Variants in ANKRD28 observed in about 807,000 individuals in gnomAD.
ANKRD28 encodes the protein ankyrin repeat domain 28, also known as serine/threonine-protein phosphatase 6 regulatory ankyrin repeat subunit A.
A neutral mutation model predicts 126.5 loss-of-function variants in ANKRD28; 44 were observed. The observed-to-expected ratio is 0.35, with a 90% CI of 0.27 to 0.45. The LOEUF is 0.45. ANKRD28 is among the 20% of genes least tolerant of loss of function. The pLI, the probability that ANKRD28 is intolerant of heterozygous loss-of-function variation, is 1.00. For synonymous variants in ANKRD28, 442 were observed against 468.5 expected (o/e 0.94, Z 0.73); for missense variants, 1,110 against 1,316.6 (o/e 0.84, Z 2.43).
At chr3:15,676,928 A>G in intron 26 of ANKRD28, 46 bp downstream of exon 26, 1 of 1,483,014 alleles carries the variant, frequency 6.7e-7, no homozygotes, top group Non-Finnish European at 9.3e-7. Flanking sequence ...TATCATTTTT[A>G]TAATTATAGG....
At chr3:15,772,996 G>A (rs1426764980) in intron 2 of ANKRD28, among the ~76,000 whole-genome samples, 1 of 152,116 alleles carries the variant, frequency 6.6e-6, no homozygotes, top group African/African-American at 2.4e-5. Context: ...AGGCAAAAAT[G>A]TCTACTCTCA....
In ANKRD28 at chr3:15,695,219, A is replaced by G; in HGVS notation, c.1660-5T>C. On this transcript the variant is annotated splice_region_variant and splice_polypyrimidine_tract_variant and intron_variant, in intron 15 of 27. Coordinates refer to ENST00000683139, the MANE Select transcript of ANKRD28 (RefSeq NM_001349278.2). The stretch of plus-strand genomic sequence containing the variant: ...TAGAGGAGTTTCACTTGCAATCTGA[A>G]ATAAAAGTCAAAACAAAAATATTTA... The G allele has an allele frequency of 6.3e-7, 1 of 1,576,228 alleles. No individual in the cohort carries two copies. Among genetic ancestry groups the G allele is most frequent in the Admixed American group, 1.8e-5 (1 of 55,688 alleles).
intron 1 of ANKRD28, among the ~76,000 whole-genome samples, chr3:15,806,052 G>A (rs538585694): frequency 4.3e-4 from 66 of 152,312 alleles, no homozygotes; most frequent in African/African-American, 1.6e-3. Context: ...ATGACTCAGA[G>A]AGTTTTAGTT....
At chr3:15,741,649 C>T (rs1370483178) in intron 4 of ANKRD28, among the ~76,000 whole-genome samples, 1 of 131,352 alleles carries the variant, frequency 7.6e-6, no homozygotes, top group Non-Finnish European at 1.5e-5. Flanking sequence ...ACCATGGGGT[C>T]AGTATAGAAG....
Position 15,817,303 on chromosome 3 carries a change from A to G in ANKRD28, c.28-21997T>C, listed in dbSNP as rs2125901848. 6.6e-6 allele frequency among the ~76,000 whole-genome samples: 1 copy of G among 152,108 alleles called. No individual in the cohort carries two copies. Among genetic ancestry groups the G allele is most frequent in the Middle Eastern group, 3.4e-3 (1 of 294 alleles). On this transcript the variant is annotated intron_variant, in intron 1 of 27. Transcript: ENST00000399451. This position sits in a 1 kb window ranked among gnomAD's most constrained non-coding sequence, Gnocchi z 4.5. ...GTTATTTTGTTTTTGTCCCAACTAG[A>G]TAGAAAATTTTATAGGTTATAAACT... is the stretch of plus-strand genomic sequence containing the variant.
chr3:15,790,688 C>T (rs1281664032), intron 2 of ANKRD28, among the ~76,000 whole-genome samples: 1 of 151,978 alleles, frequency 6.6e-6, no homozygotes, highest in Non-Finnish European at 1.5e-5. Context: ...TAGTATCATG[C>T]TGAATGAGGA....
intron 3 of ANKRD28, among the ~76,000 whole-genome samples, chr3:15,756,242 A>G (rs183643892): frequency 1.1e-3 from 170 of 152,294 alleles, no homozygotes; most frequent in African/African-American, 3.9e-3. Context: ...ACTAAAAATC[A>G]ACTGCAGGAT....
intron 3 of ANKRD28, among the ~76,000 whole-genome samples, chr3:15,754,134 C>CA (rs1307279070): frequency 2.0e-5 from 3 of 152,138 alleles, no homozygotes; most frequent in Non-Finnish European, 2.9e-5. Flanking sequence ...GCTTGTTACC[C>CA]AGTCAACCAT....
chr3:15,768,508 T>C (rs552537581), intron 2 of ANKRD28, among the ~76,000 whole-genome samples: 1 of 151,992 alleles, frequency 6.6e-6, no homozygotes, highest in Admixed American at 6.6e-5. Context: ...GTAAATAAAT[T>C]AGCTGGGCTG....
chr3:15,782,614 G>A lies in ANKRD28; in HGVS notation c.201+12609C>T, dbSNP rs183462823. Among the ~76,000 whole-genome samples, 359 of 152,170 alleles carry A rather than the reference G, an allele frequency of 2.4e-3. 1 individual carries two copies. The highest frequency in any genetic ancestry group is 7.8e-3 in the African/African-American group (325 of 41,546). The stretch of plus-strand genomic sequence containing the variant: ...GGTAATTAGAGGTTACACACATACT[G>A]AGTGTTCAGGGAAAAATGCCATACT... On this transcript the variant is annotated intron_variant, in intron 2 of 27. Transcript: ENST00000683139.
chr3:15,771,106 C>T (rs1237847312), intron 2 of ANKRD28, among the ~76,000 whole-genome samples: 3 of 152,068 alleles, frequency 2.0e-5, no homozygotes, highest in African/African-American at 7.2e-5. Context: ...GTTGTACAGG[C>T]TGTATAAGAA....
rs889642481 is a variant in ANKRD28, at chr3:15,845,314, A to G, written c.27+14063T>C. On this transcript the variant is annotated intron_variant, in intron 1 of 27. Coordinates refer to the ANKRD28 transcript ENST00000399451. This position sits in a 1 kb window ranked among gnomAD's most constrained non-coding sequence, Gnocchi z 4.9. ...ATCTTCCAGAACATTTCTAAAGTAT[A>G]TATATATATATATTCCATATTACAT... Among the ~76,000 whole-genome samples the G allele has an allele frequency of 2.8e-4, 42 of 151,116 alleles. No individual in the cohort carries two copies. Among genetic ancestry groups the G allele is most frequent in the Non-Finnish European group, 5.0e-4 (34 of 67,620 alleles).
At position 15,751,004 on chromosome 3, in the gene ANKRD28, G is replaced by A. The variant is rs186949579; in HGVS notation, c.351+746C>T. Reference sequence around the variant, plus strand: ...ACACAATGCATTTTAGAAAAGCACCGAATACACATTATAAAGTAAAATAAC... The same window carrying A: ...ACACAATGCATTTTAGAAAAGCACCAAATACACATTATAAAGTAAAATAAC... On this transcript the variant is annotated intron_variant, in intron 4 of 27. Transcript: ENST00000683139. Among the ~76,000 whole-genome samples the A allele has an allele frequency of 4.2e-4, 63 of 150,620 alleles. 1 individual carries two copies. Among genetic ancestry groups the A allele is most frequent in the Admixed American group, 2.2e-3 (34 of 15,148 alleles).
rs1269846042 is a variant in ANKRD28, at chr3:15,816,227, T to A, written c.28-20921A>T. Among the ~76,000 whole-genome samples, 1 of 152,230 alleles carries A rather than the reference T, an allele frequency of 6.6e-6. No homozygotes were observed. The highest frequency in any genetic ancestry group is 1.9e-4 in the East Asian group (1 of 5,206). ...TTACATATCTTATAGAAAAATTAAA[T>A]TTTCTTACTTTAACCAAATCCACCT... is the stretch of plus-strand genomic sequence containing the variant. On this transcript the variant is annotated intron_variant, in intron 1 of 27. Transcript: ENST00000399451. This position sits in a 1 kb window ranked among gnomAD's most constrained non-coding sequence, Gnocchi z 5.0.
chr3:15,682,624 AGT>A, intron 21 of ANKRD28, among the ~76,000 whole-genome samples: 1 of 152,234 alleles, frequency 6.6e-6, no homozygotes, highest in East Asian at 1.9e-4. Context: ...ATCTACAGCC[AGT>A]GTTTTTCTAA....
At chr3:15,701,832 AGCCTTCCTTGGT>A (rs1262107402) in intron 14 of ANKRD28, among the ~76,000 whole-genome samples, 1 of 152,186 alleles carries the variant, frequency 6.6e-6, no homozygotes, top group African/African-American at 2.4e-5. Context: ...CTCTGTACAC[AGCCTTCCTTGGT>A]GCCGAATTCA....
In ANKRD28 at chr3:15,833,167, CA is replaced by C. The variant is rs1232311808; in HGVS notation, c.27+26209del. Among the ~76,000 whole-genome samples the C allele has an allele frequency of 2.0e-5, 3 of 152,090 alleles. No individual in the cohort carries two copies. Among genetic ancestry groups the C allele is most frequent in the Non-Finnish European group, 2.9e-5 (2 of 68,020 alleles). On this transcript the variant is annotated intron_variant, in intron 1 of 27. Transcript: ENST00000399451. This position sits in a 1 kb window ranked among gnomAD's most constrained non-coding sequence, Gnocchi z 4.4. ...CAGGGTGTGTCTGTGAGGGTGCTGC[CA>C]AAGGAGATTAACATTTAAGTCAGTG...
At chr3:15,770,006 C>T (rs1298578668) in intron 2 of ANKRD28, among the ~76,000 whole-genome samples, 5 of 151,050 alleles carry the variant, frequency 3.3e-5, no homozygotes, top group African/African-American at 4.9e-5. Flanking sequence ...TCAGTGGACT[C>T]CACATCCATT....
Position 15,667,604 on chromosome 3 carries a change from A to G in ANKRD28, c.*2666T>C, listed in dbSNP as rs561862573. ...GGTGCTGTGTTCATTCATTCAAGTA[A>G]TTAATGTACTTATTCCAACAATACT... On this transcript the variant is annotated 3_prime_UTR_variant, in exon 28 of 28. Transcript: ENST00000683139. 5 of 152,350 alleles carry G rather than the reference A, an allele frequency of 3.3e-5. No individual in the cohort carries two copies. In the South Asian group the frequency reaches 1.0e-3, roughly 32 times the overall value. 9.4% of individuals were successfully genotyped at this position (152,350 alleles called of 1,614,324 possible).
Sources: gnomAD v4.1 joint callset for allele counts (sites outside exome capture counted in the v4.1 genomes callset) on GRCh38, gnomAD v4.1.1 for gene constraint, Gnocchi (gnomAD v3.1) non-coding constraint, MANE v1.5 for transcripts, NCBI Gene and HGNC (gene_info 2026-07-23, HGNC 2026-07-21) for gene names.